The following PCDHGB4 variants were observed in gnomAD, a reference collection of about 807,000 sequenced individuals.
The protein encoded by PCDHGB4 is protocadherin gamma-B4.
In PCDHGB4, 38 loss-of-function variants were observed where a neutral mutation model predicts 60.5. The observed-to-expected ratio is 0.63, with a 90% CI of 0.48 to 0.82. The LOEUF is 0.82. Ranked by LOEUF, PCDHGB4 falls within the 40% of genes least tolerant of loss-of-function variation. The pLI is 0.00. For synonymous variants in PCDHGB4, 456 were observed against 509.7 expected, an observed-to-expected ratio of 0.89 and a Z score of 1.42; for missense variants, 1,109 against 1,209.6, an observed-to-expected ratio of 0.92 and a Z score of 1.23.
intron 1 of PCDHGB4, chr5:141,479,521 T>C (rs4912607): frequency 0.2 from 30,680 of 152,154 alleles, 3,215 homozygotes; most frequent in Admixed American, 0.29. Flanking sequence ...CTGGCCCAGG[T>C]TGGAAGTGGA....
At chr5:141,408,636 C>A in intron 1 of PCDHGB4, 1 of 1,614,024 alleles carries the variant, frequency 6.2e-7, no homozygotes, top group Non-Finnish European at 8.5e-7. Flanking sequence ...ATTTTCGAAT[C>A]TGCATCCGCT....
chr5:141,414,965 C>T lies in PCDHGB4; in HGVS notation c.2397+24684C>T, dbSNP rs564450666. On this transcript the variant is annotated intron_variant, in intron 1 of 3. Coordinates refer to ENST00000519479, the MANE Select transcript of PCDHGB4 (RefSeq NM_003736.4). ...GGCTACCTGGTGACCAAGGTGGTGG[C>T]GGTGGACAGAGACTCCGGCCAGAAC... The T allele has an allele frequency of 7.9e-5, 127 of 1,613,962 alleles. No homozygotes were observed. The highest frequency in any genetic ancestry group is 7.7e-5 in the Non-Finnish European group (91 of 1,180,046).
intron 1 of PCDHGB4, chr5:141,413,625 C>T (rs372855865): frequency 1.2e-6 from 2 of 1,613,854 alleles, no homozygotes; most frequent in Admixed American, 3.3e-5. Context: ...ATGAAAATGT[C>T]GCTGCGGGAA....
Position 141,423,275 on chromosome 5 carries a change from C to T in PCDHGB4, c.2397+32994C>T. 1.2e-6 allele frequency: 2 copies of T among 1,614,012 alleles called. No homozygotes were observed. The highest frequency in any genetic ancestry group is 1.7e-6 in the Non-Finnish European group (2 of 1,179,970). ...GACCTCGGCAGCCTCGAGTCTCTGGCTAACTCTGAAACCTCAGACCTCTCG... is the reference window on the plus strand; with the variant it reads ...GACCTCGGCAGCCTCGAGTCTCTGGTTAACTCTGAAACCTCAGACCTCTCG... On this transcript the variant is annotated intron_variant, in intron 1 of 3. Transcript: ENST00000519479.
intron 3 of PCDHGB4, 122 bp downstream of exon 3, chr5:141,505,603 G>A (rs900982128): frequency 6.5e-7 from 1 of 1,534,594 alleles, no homozygotes; most frequent in African/African-American, 1.4e-5. Flanking sequence ...TCTTTCGGCA[G>A]GTCTGAAAGG....
chr5:141,404,080 C>G (rs369802030), intron 1 of PCDHGB4: 1 of 1,613,516 alleles, frequency 6.2e-7, no homozygotes, highest in Non-Finnish European at 8.5e-7. Flanking sequence ...ACCGAGACTC[C>G]GGGAAGAATG....
intron 1 of PCDHGB4, among the ~76,000 whole-genome samples, chr5:141,443,577 G>A (rs567410923): frequency 1.3e-5 from 2 of 152,284 alleles, no homozygotes; most frequent in South Asian, 4.1e-4. Context: ...ATGGACTTGA[G>A]CTAAAACAGA....
At chr5:141,415,597 A>G (rs1206125540) in intron 1 of PCDHGB4, 2 of 1,613,800 alleles carry the variant, frequency 1.2e-6, no homozygotes, top group South Asian at 1.1e-5. Flanking sequence ...TATAGAGGAT[A>G]CCCCATTGGT....
At chr5:141,441,797 G>T in intron 1 of PCDHGB4, 1 of 386,536 alleles carries the variant, frequency 2.6e-6, no homozygotes, top group Non-Finnish European at 5.2e-6. Context: ...ACAACGCACC[G>T]CGGGTGCTGT....
At chr5:141,509,268 G>A (rs2099875959) in intron 3 of PCDHGB4, among the ~76,000 whole-genome samples, 1 of 152,150 alleles carries the variant, frequency 6.6e-6, no homozygotes, top group South Asian at 2.1e-4. Flanking sequence ...AGTCACTCTC[G>A]CTACCCGCTC....
In PCDHGB4 at chr5:141,389,243, T is replaced by C. The variant is rs370534911; in HGVS notation, c.1359T>C (p.Ser453=). 4 of 1,614,056 alleles carry C rather than the reference T, an allele frequency of 2.5e-6. No individual in the cohort carries two copies. The highest frequency in any genetic ancestry group is 3.4e-6 in the Non-Finnish European group (4 of 1,179,900). Residue 453 remains serine (S), a synonymous_variant, in exon 1 of 4, where the codon TCT becomes TCC. Transcript: ENST00000519479. ...VNDNAPVFSQ[S]SYIVHVAENN... ...ACAACGCTCCGGTTTTCTCACAGTCTTCCTATATAGTCCACGTGGCCGAGA... is the reference window on the plus strand; with the variant it reads ...ACAACGCTCCGGTTTTCTCACAGTCCTCCTATATAGTCCACGTGGCCGAGA...
In PCDHGB4 at chr5:141,419,703, G is replaced by C. The variant is rs2096418539; in HGVS notation, c.2397+29422G>C. 1 of 1,612,946 alleles carries C rather than the reference G, an allele frequency of 6.2e-7. No individual in the cohort carries two copies. The highest frequency in any genetic ancestry group is 1.3e-5 in the African/African-American group (1 of 74,946). The stretch of plus-strand genomic sequence containing the variant: ...CACGTGGTGCAGGCCAGTGAGCCCG[G>C]GCTCTTCAGCCTGGGGCTGCGAACA... On this transcript the variant is annotated intron_variant, in intron 1 of 3. Coordinates refer to ENST00000519479, the MANE Select transcript of PCDHGB4 (RefSeq NM_003736.4).
chr5:141,486,728 G>T lies in PCDHGB4; in HGVS notation c.2398-8079G>T. On this transcript the variant is annotated intron_variant, in intron 1 of 3. Coordinates refer to ENST00000519479, the MANE Select transcript of PCDHGB4 (RefSeq NM_003736.4). This position sits in a 1 kb window ranked among gnomAD's most constrained non-coding sequence, Gnocchi z 5.0. Reference sequence around the variant, plus strand: ...GAACCCCCAGACAGGAGCTGTTCATGCTACTCGATCCTTTGACTATGAGCA... The same window carrying T: ...GAACCCCCAGACAGGAGCTGTTCATTCTACTCGATCCTTTGACTATGAGCA... The T allele has an allele frequency of 6.2e-7, 1 of 1,614,200 alleles. No individual in the cohort carries two copies. The highest frequency in any genetic ancestry group is 8.5e-7 in the Non-Finnish European group (1 of 1,180,052).
At chr5:141,455,330 G>T (rs2098819667) in intron 1 of PCDHGB4, among the ~76,000 whole-genome samples, 1 of 152,042 alleles carries the variant, frequency 6.6e-6, no homozygotes, top group South Asian at 2.1e-4. Context: ...GTGTGTTTGT[G>T]GTTTTAAGGA....
chr5:141,491,080 A>T lies in PCDHGB4; in HGVS notation c.2398-3727A>T. On this transcript the variant is annotated intron_variant, in intron 1 of 3. Transcript: ENST00000519479. This position sits in a 1 kb window ranked among gnomAD's most constrained non-coding sequence, Gnocchi z 6.9. ...CTCCTACTCACTGTTGCCACAGTCC[A>T]CAGCCCCAGGACTGTTCCTCGTGTC... The T allele has an allele frequency of 6.2e-7, 1 of 1,614,116 alleles. No individual in the cohort carries two copies. Among genetic ancestry groups the T allele is most frequent in the Non-Finnish European group, 8.5e-7 (1 of 1,179,994 alleles).
At chr5:141,410,765 T>C (rs1238144239) in intron 1 of PCDHGB4, 1 of 1,066,570 alleles carries the variant, frequency 9.4e-7, no homozygotes, top group Non-Finnish European at 1.3e-6. Flanking sequence ...TTTTCAATTA[T>C]AGTTTTCACT....
In PCDHGB4 at chr5:141,404,317, C is replaced by T. The variant is rs375857083; in HGVS notation, c.2397+14036C>T. On this transcript the variant is annotated intron_variant, in intron 1 of 3. Transcript: ENST00000519479. ...ATAATCCACCTGCTTTCTCTCAAGC[C>T]TCCTACTCAGTCTACCTCCCGGAAA... 6.2e-6 allele frequency: 10 copies of T among 1,613,780 alleles called. No homozygotes were observed. In the African/African-American group the frequency reaches 1.2e-4, roughly 19 times the overall value.
chr5:141,458,409 G>C (rs188300064), intron 1 of PCDHGB4, among the ~76,000 whole-genome samples: 1 of 152,244 alleles, frequency 6.6e-6, no homozygotes, highest in African/African-American at 2.4e-5. Context: ...GAGACGGAGC[G>C]GGGGTTCCAA....
At chr5:141,484,311 C>T (rs1234690996) in intron 1 of PCDHGB4, among the ~76,000 whole-genome samples, 2 of 152,196 alleles carry the variant, frequency 1.3e-5, no homozygotes, top group African/African-American at 4.8e-5. Flanking sequence ...CTCCACCCCG[C>T]TTCCATACTG....
Sources: allele counts gnomAD v4.1 joint callset (sites outside exome capture counted in the v4.1 genomes callset), GRCh38; gene constraint gnomAD v4.1.1; non-coding constraint Gnocchi (gnomAD v3.1); transcripts MANE v1.5; gene names NCBI Gene and HGNC (gene_info 2026-07-23, HGNC 2026-07-21).